Variants in MPPED2 observed in about 807,000 individuals in gnomAD.
The protein encoded by MPPED2 is metallophosphoesterase MPPED2.
MPPED2 carries 5 observed loss-of-function variants against 33.0 expected under a neutral mutation model. That is an observed-to-expected ratio of 0.15 (90% confidence interval 0.08 to 0.32). MPPED2 has a LOEUF of 0.32. MPPED2 is among the 10% of genes least tolerant of loss of function. The pLI is 1.00. For synonymous variants in MPPED2, 136 were observed against 141.9 expected, an observed-to-expected ratio of 0.96 and a Z score of 0.29; for missense variants, 275 against 372.1, an observed-to-expected ratio of 0.74 and a Z score of 2.15.
chr11:30,409,135 T>C (rs1466960955), downstream of MPPED2, among the ~76,000 whole-genome samples: 17 of 152,186 alleles, frequency 1.1e-4, no homozygotes, highest in Non-Finnish European at 2.9e-5. Flanking sequence ...TGGGCATACA[T>C]ACTTGTGATC....
intron 3 of MPPED2, among the ~76,000 whole-genome samples, chr11:30,523,622 T>C (rs1953995190): frequency 1.7e-5 from 1 of 59,978 alleles, no homozygotes; most frequent in African/African-American, 7.0e-5. Flanking sequence ...GCAACACATC[T>C]TTTTTTTTTT....
intron 4 of MPPED2, among the ~76,000 whole-genome samples, chr11:30,438,108 T>G (rs781278526): frequency 1.7e-4 from 26 of 152,148 alleles, no homozygotes; most frequent in Admixed American, 1.4e-3. Flanking sequence ...TGACACACCA[T>G]AAGCGCTAGG....
chr11:30,415,284 A>T (rs959095260), intron 5 of MPPED2, among the ~76,000 whole-genome samples: 2 of 152,202 alleles, frequency 1.3e-5, no homozygotes, highest in Non-Finnish European at 2.9e-5. Context: ...AGAGTCTGAA[A>T]ATAGATGAAA....
chr11:30,566,806 T>A (rs2134768801), intron 2 of MPPED2, among the ~76,000 whole-genome samples: 1 of 152,260 alleles, frequency 6.6e-6, no homozygotes, highest in Non-Finnish European at 1.5e-5. Context: ...GACACACATT[T>A]CACCAACAAT....
At chr11:30,457,721 G>C (rs1441267567) in intron 4 of MPPED2, among the ~76,000 whole-genome samples, 1 of 152,168 alleles carries the variant, frequency 6.6e-6, no homozygotes, top group African/African-American at 2.4e-5. Flanking sequence ...ATAGTTCGGA[G>C]TGCAAAGGTC....
At chr11:30,515,462 G>A (rs1218570177) in intron 3 of MPPED2, among the ~76,000 whole-genome samples, 1 of 152,152 alleles carries the variant, frequency 6.6e-6, no homozygotes, top group Non-Finnish European at 1.5e-5. Flanking sequence ...ATTCTGATGG[G>A]CAGTCAGGCT....
chr11:30,439,523 T>C (rs901884074), intron 4 of MPPED2, among the ~76,000 whole-genome samples: 37 of 152,206 alleles, frequency 2.4e-4, no homozygotes, highest in Non-Finnish European at 1.2e-4. Context: ...AATAGGCTGC[T>C]AGTGGATTTT....
intron 2 of MPPED2, among the ~76,000 whole-genome samples, chr11:30,559,985 C>G (rs745400392): frequency 2.6e-5 from 4 of 152,178 alleles, no homozygotes; most frequent in Non-Finnish European, 5.9e-5. Context: ...AGCTAATAAA[C>G]AGATGTTTTG....
intron 2 of MPPED2, among the ~76,000 whole-genome samples, chr11:30,568,278 TTCA>T (rs1468967927): frequency 6.6e-6 from 1 of 152,194 alleles, no homozygotes; most frequent in Non-Finnish European, 1.5e-5. Context: ...CTCAAATGAC[TTCA>T]TTTTTAAATA....
In MPPED2 at chr11:30,414,266, A is replaced by C. The variant is rs1590179427; in HGVS notation, c.728T>G (p.Val243Gly). Reference protein sequence around the residue: ...VELLNTVQRRVRPKLHVFGGI... With the variant: ...VELLNTVQRRGRPKLHVFGGI... ...ACCAAACACATGGAGCTTGGGCCGG[A>C]CTCGCCTCTGAACCGTGTTTAACAG... Residue 243 changes from valine (V) to glycine (G), a missense_variant, in exon 6 of 7, where the codon GTC (valine) becomes GGC (glycine). Transcript: ENST00000358117. 1 of 1,613,626 alleles carries C rather than the reference A, an allele frequency of 6.2e-7. No homozygotes were observed. Among genetic ancestry groups the C allele is most frequent in the South Asian group, 1.1e-5 (1 of 91,048 alleles).
intron 4 of MPPED2, among the ~76,000 whole-genome samples, chr11:30,435,845 T>C (rs1949299781): frequency 6.6e-6 from 1 of 152,094 alleles, no homozygotes; most frequent in Non-Finnish European, 1.5e-5. Context: ...GGTCAGCCTG[T>C]CTATAAACCT....
At chr11:30,436,993 G>A (rs1257873566) in intron 4 of MPPED2, among the ~76,000 whole-genome samples, 1 of 152,186 alleles carries the variant, frequency 6.6e-6, no homozygotes, top group African/African-American at 2.4e-5. Flanking sequence ...TCACCTCCCT[G>A]AAACTGCCTG....
intron 3 of MPPED2, among the ~76,000 whole-genome samples, chr11:30,527,475 G>A (rs1954262619): frequency 6.6e-6 from 1 of 151,882 alleles, no homozygotes; most frequent in African/African-American, 2.4e-5. Flanking sequence ...TCTGGAAGGA[G>A]GGGTGGTGAC....
intron 2 of MPPED2, among the ~76,000 whole-genome samples, chr11:30,565,754 T>G (rs977732183): frequency 6.6e-6 from 1 of 152,196 alleles, no homozygotes; most frequent in Non-Finnish European, 1.5e-5. Flanking sequence ...CCATGTAAAA[T>G]TTTCTTAAGC....
At chr11:30,425,931 TC>T (rs780287653) in intron 4 of MPPED2, among the ~76,000 whole-genome samples, 10 of 152,192 alleles carry the variant, frequency 6.6e-5, no homozygotes, top group South Asian at 4.1e-4. Flanking sequence ...ATTTGTCTTC[TC>T]TTTTCCTTTT....
At chr11:30,517,926 G>A (rs1400627684) in intron 3 of MPPED2, among the ~76,000 whole-genome samples, 4 of 152,006 alleles carry the variant, frequency 2.6e-5, no homozygotes, top group East Asian at 1.9e-4. Flanking sequence ...CTTACTCTGC[G>A]ATGCATTTTG....
intron 6 of MPPED2, among the ~76,000 whole-genome samples, chr11:30,391,006 G>C (rs192030754): frequency 6.6e-6 from 1 of 152,182 alleles, no homozygotes; most frequent in Non-Finnish European, 1.5e-5. Flanking sequence ...TCTAGTCCCT[G>C]ACAGGAGAGT....
chr11:30,523,996 A>G (rs2134396174), intron 3 of MPPED2, among the ~76,000 whole-genome samples: 2 of 152,214 alleles, frequency 1.3e-5, no homozygotes, highest in South Asian at 4.1e-4. Context: ...CATGCCTGTA[A>G]TCCCAGCACT....
chr11:30,558,045 G>C (rs1283566856), intron 2 of MPPED2, among the ~76,000 whole-genome samples: 1 of 152,078 alleles, frequency 6.6e-6, no homozygotes, highest in African/African-American at 2.4e-5. Context: ...TGGCTCCAAG[G>C]ACAATCCTCA....
Sources: gnomAD v4.1 joint callset for allele counts (sites outside exome capture counted in the v4.1 genomes callset) on GRCh38, gnomAD v4.1.1 for gene constraint, MANE v1.5 for transcripts, NCBI Gene and HGNC (gene_info 2026-07-23, HGNC 2026-07-21) for gene names.